Variants in DPH6 observed in about 807,000 individuals in gnomAD.
The protein encoded by DPH6 is diphthine--ammonia ligase.
In DPH6, 33 loss-of-function variants were observed where a neutral mutation model predicts 38.2. That is an observed-to-expected ratio of 0.86 (90% CI 0.65 to 1.15). The LOEUF (loss-of-function observed/expected upper bound fraction) is 1.15, where lower values mean the gene tolerates loss of function less well. DPH6 is among the 50% of genes most tolerant of loss of function. The pLI is 0.00. For synonymous variants in DPH6, 108 were observed against 103.0 expected (o/e 1.05, Z -0.30); for missense variants, 325 against 320.0 (o/e 1.02, Z -0.12).
At chr15:35,522,608 T>C (rs145896199) in intron 3 of DPH6, among the ~76,000 whole-genome samples, 283 of 152,232 alleles carry the variant, frequency 1.9e-3, no homozygotes, top group African/African-American at 6.6e-3. Flanking sequence ...ACCTGGGGAA[T>C]GGCTGACATC....
At chr15:35,454,562 G>A (rs2053972892) in intron 4 of DPH6, among the ~76,000 whole-genome samples, 185 bp downstream of exon 4, 2 of 152,128 alleles carry the variant, frequency 1.3e-5, no homozygotes, top group African/African-American at 2.4e-5. Flanking sequence ...TTCCTCATGT[G>A]AGATATAAGG....
the DPH6 span, among the ~76,000 whole-genome samples, chr15:35,179,322 AATTT>A: frequency 6.6e-6 from 1 of 152,086 alleles, no homozygotes; most frequent in Admixed American, 6.5e-5. Flanking sequence ...CAAGTTTAGA[AATTT>A]ATTAGAAGAA....
intron 3 of DPH6, among the ~76,000 whole-genome samples, chr15:35,279,341 T>A (rs73393305): frequency 6.6e-6 from 1 of 152,116 alleles, no homozygotes; most frequent in East Asian, 1.9e-4. Flanking sequence ...TGGGGGACTA[T>A]TGAGATGGGA....
At chr15:35,428,237 A>T (rs1194813211) in intron 5 of DPH6, among the ~76,000 whole-genome samples, 7 of 152,034 alleles carry the variant, frequency 4.6e-5, no homozygotes, top group Admixed American at 4.6e-4. Context: ...TGAATACTAT[A>T]TGCTTATCCA....
chr15:35,373,686 G>A (rs2052743629), intron 7 of DPH6, 78 bp from the exon 8 acceptor site: 1 of 1,103,046 alleles, frequency 9.1e-7, no homozygotes, highest in Admixed American at 2.4e-5. Flanking sequence ...GACTAGAAGA[G>A]ACTAAACATT....
chr15:35,223,451 C>A (rs1209664049), intron 3 of DPH6, among the ~76,000 whole-genome samples: 2 of 152,114 alleles, frequency 1.3e-5, no homozygotes, highest in South Asian at 2.1e-4. Flanking sequence ...CTTTGGGAGG[C>A]CAAGGCTGGT....
exon 4 of DPH6, chr15:35,220,108 C>T (rs1011000997): frequency 2.0e-5 from 3 of 152,222 alleles, no homozygotes; most frequent in African/African-American, 7.2e-5. Context: ...CATCCACATA[C>T]ACTACCACTA....
intron 3 of DPH6, among the ~76,000 whole-genome samples, chr15:35,457,503 G>T (rs1483872585): frequency 6.6e-6 from 1 of 152,004 alleles, no homozygotes; most frequent in African/African-American, 2.4e-5. Context: ...TTGCCATGTT[G>T]CCCAGGCTGG....
chr15:35,314,441 AC>A (rs1350786355), intron 3 of DPH6, among the ~76,000 whole-genome samples: 1 of 152,178 alleles, frequency 6.6e-6, no homozygotes, highest in Non-Finnish European at 1.5e-5. Context: ...TTCTTATTTG[AC>A]TTCAAAATCG....
intron 3 of DPH6, among the ~76,000 whole-genome samples, chr15:35,232,309 C>T (rs1016808009): frequency 1.3e-5 from 2 of 152,104 alleles, no homozygotes; most frequent in African/African-American, 2.4e-5. Flanking sequence ...AGGCCAGGCG[C>T]GGTGGCTCAT....
intron 5 of DPH6, among the ~76,000 whole-genome samples, chr15:35,425,054 C>CA (rs1225288798): frequency 6.6e-6 from 1 of 151,524 alleles, no homozygotes; most frequent in Non-Finnish European, 1.5e-5. Flanking sequence ...CAAATGTACT[C>CA]ACATATAGTT....
chr15:35,257,863 T>C (rs976609796), intron 3 of DPH6, among the ~76,000 whole-genome samples: 2 of 151,970 alleles, frequency 1.3e-5, no homozygotes, highest in East Asian at 3.9e-4. Context: ...TTACCTTGAT[T>C]GAGTGGTGGT....
chr15:35,345,431 A>C (rs1288266409), intron 3 of DPH6, among the ~76,000 whole-genome samples: 8 of 151,878 alleles, frequency 5.3e-5, no homozygotes, highest in Admixed American at 5.2e-4. Context: ...CTCTAAACTC[A>C]AATGAAAAGC....
intron 3 of DPH6, among the ~76,000 whole-genome samples, chr15:35,510,886 T>C (rs964016469): frequency 6.6e-6 from 1 of 152,152 alleles, no homozygotes; most frequent in East Asian, 1.9e-4. Flanking sequence ...CATGACAAAT[T>C]AGGTTTTAAA....
chr15:35,525,627 T>C (rs1732965296), intron 3 of DPH6, among the ~76,000 whole-genome samples: 1 of 152,056 alleles, frequency 6.6e-6, no homozygotes, highest in Non-Finnish European at 1.5e-5. Flanking sequence ...AGTAAGACTA[T>C]GACAAAAATT....
chr15:35,204,555 T>C, the DPH6 span, among the ~76,000 whole-genome samples: 1 of 151,804 alleles, frequency 6.6e-6, no homozygotes, highest in East Asian at 1.9e-4. Context: ...AGTTTTCATG[T>C]CTTATTTTTA....
chr15:35,260,043 G>A (rs75714521), intron 3 of DPH6, among the ~76,000 whole-genome samples: 4,098 of 152,248 alleles, frequency 0.027, 67 homozygotes, highest in African/African-American at 0.034. Flanking sequence ...CTATTTTAGA[G>A]TAAATAATCA....
intron 3 of DPH6, among the ~76,000 whole-genome samples, chr15:35,365,363 A>G (rs1026452541): frequency 7.2e-5 from 11 of 152,144 alleles, no homozygotes; most frequent in Non-Finnish European, 1.5e-4. Flanking sequence ...TGTACACCCA[A>G]TGTCTAAACA....
intron 3 of DPH6, among the ~76,000 whole-genome samples, chr15:35,297,353 T>TATTAGTTTAATCTAATAGGTTTAATCTA (rs2052022357): frequency 6.6e-6 from 1 of 151,108 alleles, no homozygotes; most frequent in Non-Finnish European, 1.5e-5. Context: ...TTTTTAAACC[T>TATTAGTTTAATCTAATAGGTTTAATCTA]ATTAGGTTTT....
Sources: gnomAD v4.1 joint callset for allele counts (sites outside exome capture counted in the v4.1 genomes callset) on GRCh38, gnomAD v4.1.1 for gene constraint, MANE v1.5 for transcripts, NCBI Gene and HGNC (gene_info 2026-07-23, HGNC 2026-07-21) for gene names.